The following STK32A variants were observed in gnomAD, a reference collection of about 807,000 sequenced individuals.
The protein encoded by STK32A is serine/threonine-protein kinase 32A.
STK32A carries 41 observed loss-of-function variants against 53.2 expected under a neutral mutation model. The ratio of observed to expected loss-of-function variants is 0.77; its 90% CI spans 0.60 to 1.00. STK32A has a LOEUF of 1.00. Among genes scored for constraint, STK32A ranks in the 50% least tolerant of loss-of-function variants. The pLI is 0.00. For synonymous variants in STK32A, 166 were observed against 162.8 expected (o/e 1.02, Z -0.15); for missense variants, 458 against 485.8 (o/e 0.94, Z 0.54).
intron 7 of STK32A, among the ~76,000 whole-genome samples, chr5:147,360,474 AAAAAG>A (rs563415607): frequency 4.2e-5 from 6 of 144,118 alleles, no homozygotes; most frequent in Non-Finnish European, 9.0e-5. Flanking sequence ...AAAAGAAAAA[AAAAAG>A]AAAGAAAGAA....
At chr5:147,287,372 A>G (rs1237082952) in intron 4 of STK32A, among the ~76,000 whole-genome samples, 1 of 152,184 alleles carries the variant, frequency 6.6e-6, no homozygotes, top group Non-Finnish European at 1.5e-5. Flanking sequence ...CTGACTTACC[A>G]GCAAAGAAAA....
At chr5:147,344,631 C>A (rs561831962) in intron 6 of STK32A, among the ~76,000 whole-genome samples, 1 of 152,334 alleles carries the variant, frequency 6.6e-6, no homozygotes, top group Admixed American at 6.5e-5. Flanking sequence ...ACAATTACCA[C>A]TGGCTTCTCT....
At chr5:147,265,121 T>C (rs1419602191) in intron 2 of STK32A, among the ~76,000 whole-genome samples, 1 of 135,738 alleles carries the variant, frequency 7.4e-6, no homozygotes, top group East Asian at 2.0e-4. Context: ...CTTACAATTA[T>C]ATATACAATT....
intron 4 of STK32A, among the ~76,000 whole-genome samples, chr5:147,320,253 T>C (rs2151976562): frequency 6.6e-6 from 1 of 152,334 alleles, no homozygotes; most frequent in Admixed American, 6.5e-5. Context: ...AGATGGCCCC[T>C]GTAAGACAGC....
chr5:147,353,144 C>G (rs1756062501), intron 7 of STK32A, among the ~76,000 whole-genome samples: 1 of 142,220 alleles, frequency 7.0e-6, no homozygotes, highest in Non-Finnish European at 1.6e-5. Context: ...GCCTCGACTA[C>G]CCTTCTTTCA....
chr5:147,309,366 C>T (rs1028948081), intron 4 of STK32A, among the ~76,000 whole-genome samples: 11 of 151,980 alleles, frequency 7.2e-5, no homozygotes, highest in South Asian at 2.1e-4. Flanking sequence ...TTTGAGATGC[C>T]GAGAAGATCT....
In STK32A at chr5:147,332,230, A is replaced by G. The variant is rs530116616; in HGVS notation, c.434+8159A>G. Among the ~76,000 whole-genome samples, 30 of 152,284 alleles carry G rather than the reference A, an allele frequency of 2.0e-4. No individual in the cohort carries two copies. The South Asian group carries it at 6.0e-3, about 31-fold the overall frequency. On this transcript the variant is annotated intron_variant, in intron 5 of 12. Transcript: ENST00000397936. Reference sequence around the variant, plus strand: ...TAAAATTAAACTAAACCAAGAGAATATTCAGTAAGTCAAGTCCATTGGCTT... The same window carrying G: ...TAAAATTAAACTAAACCAAGAGAATGTTCAGTAAGTCAAGTCCATTGGCTT...
At chr5:147,327,057 C>T (rs538024587) in intron 5 of STK32A, among the ~76,000 whole-genome samples, 1 of 152,184 alleles carries the variant, frequency 6.6e-6, no homozygotes, top group South Asian at 2.1e-4. Context: ...TTCTGATAAC[C>T]AGGATTTTCT....
At chr5:147,276,408 T>C (rs1755263738) in intron 2 of STK32A, among the ~76,000 whole-genome samples, 1 of 152,236 alleles carries the variant, frequency 6.6e-6, no homozygotes, top group Admixed American at 6.5e-5. Flanking sequence ...TTTTTAGTAC[T>C]TCTTATTTTA....
At chr5:147,361,305 C>T (rs1183797478) in intron 7 of STK32A, among the ~76,000 whole-genome samples, 1 of 152,094 alleles carries the variant, frequency 6.6e-6, no homozygotes, top group Non-Finnish European at 1.5e-5. Context: ...CTATGCATGC[C>T]TGTGTGTGTT....
chr5:147,269,951 C>T (rs1331904535), intron 2 of STK32A, among the ~76,000 whole-genome samples: 1 of 152,044 alleles, frequency 6.6e-6, no homozygotes, highest in Non-Finnish European at 1.5e-5. Context: ...TTTTTGGGAA[C>T]TTAGGAATTT....
intron 4 of STK32A, among the ~76,000 whole-genome samples, chr5:147,286,021 C>A (rs1752313214): frequency 6.6e-6 from 1 of 151,734 alleles, no homozygotes; most frequent in Non-Finnish European, 1.5e-5. Context: ...GAGTTGCAAC[C>A]CAAATGCCCA....
intron 11 of STK32A, 165 bp downstream of exon 11, chr5:147,375,383 C>G (rs1053259136): frequency 1.4e-6 from 1 of 725,882 alleles, no homozygotes; most frequent in African/African-American, 1.8e-5. Flanking sequence ...CAGAGCTCCT[C>G]TGAGGATCCT....
rs187627401 is a variant in STK32A, at chr5:147,329,123, A to T, written c.434+5052A>T. On this transcript the variant is annotated intron_variant, in intron 5 of 12. Transcript: ENST00000397936. ...ATTTCATTTCCCATTGAGTACCGAA[A>T]TGTTGAAGAGAAATAAAAGAAGATT... Among the ~76,000 whole-genome samples, 456 of 152,324 alleles carry T rather than the reference A, an allele frequency of 3.0e-3. 1 individual carries two copies. The highest frequency in any genetic ancestry group is 5.3e-3 in the Non-Finnish European group (362 of 68,022).
chr5:147,365,687 C>T (rs1756712026), intron 8 of STK32A, among the ~76,000 whole-genome samples: 1 of 152,168 alleles, frequency 6.6e-6, no homozygotes, highest in African/African-American at 2.4e-5. Flanking sequence ...GTGTTAGACC[C>T]TTGCTAGCTG....
chr5:147,318,635 G>C (rs1351677975), intron 4 of STK32A, among the ~76,000 whole-genome samples: 1 of 151,596 alleles, frequency 6.6e-6, no homozygotes, highest in Non-Finnish European at 1.5e-5. Context: ...AAAAAGTTTG[G>C]TATGGTGATA....
intron 2 of STK32A, among the ~76,000 whole-genome samples, chr5:147,270,600 T>G (rs2087878625): frequency 6.6e-6 from 1 of 152,194 alleles, no homozygotes; most frequent in Non-Finnish European, 1.5e-5. Flanking sequence ...TTACTTACCA[T>G]TTTTAAGTGT....
intron 6 of STK32A, chr5:147,348,957 T>C (rs185806975): frequency 2.2e-4 from 106 of 475,448 alleles, no homozygotes; most frequent in African/African-American, 1.9e-3. Flanking sequence ...CACAGCTAGT[T>C]AGTGGTAGAA....
chr5:147,358,302 T>C (rs2151996706), intron 7 of STK32A, among the ~76,000 whole-genome samples: 1 of 152,266 alleles, frequency 6.6e-6, no homozygotes, highest in Non-Finnish European at 1.5e-5. Flanking sequence ...GGTAAGGATG[T>C]TCAACAAAAG....
Sources: gnomAD v4.1 joint callset for allele counts (sites outside exome capture counted in the v4.1 genomes callset) on GRCh38, gnomAD v4.1.1 for gene constraint, MANE v1.5 for transcripts, NCBI Gene and HGNC (gene_info 2026-07-23, HGNC 2026-07-21) for gene names.